The following WDFY3 variants were observed in gnomAD, a reference collection of about 807,000 sequenced individuals.
The protein encoded by WDFY3 is WD repeat and FYVE domain containing 3.
Under a neutral mutation model 409.6 loss-of-function variants are expected in WDFY3, and 66 were observed. The ratio of observed to expected loss-of-function variants is 0.16; its 90% CI spans 0.13 to 0.20. The LOEUF is 0.20. Among genes scored for constraint, WDFY3 ranks in the 10% least tolerant of loss-of-function variants. WDFY3 has a pLI of 1.00. For missense variants in WDFY3, 3,031 were observed against 4,298.1 expected (o/e 0.71, Z 8.24); for synonymous variants, 1,521 against 1,537.1 (o/e 0.99, Z 0.25).
chr4:84,812,549 T>G (rs1752673975), intron 13 of WDFY3, among the ~76,000 whole-genome samples: 1 of 151,794 alleles, frequency 6.6e-6, no homozygotes. Context: ...GTAAGAACCC[T>G]TAGAGAAGTG....
chr4:84,681,199 A>G (rs1225434860), intron 64 of WDFY3, among the ~76,000 whole-genome samples: 3 of 152,162 alleles, frequency 2.0e-5, no homozygotes, highest in African/African-American at 7.2e-5. Context: ...CACTTCTGCC[A>G]GACTACCCAC....
intron 34 of WDFY3, 141 bp from the exon 35 acceptor site, chr4:84,754,017 AAC>A (rs765595804): frequency 6.4e-5 from 58 of 907,922 alleles, no homozygotes; most frequent in Non-Finnish European, 7.5e-5. Context: ...CATATGAGCA[AAC>A]ACACATGTAT....
intron 2 of WDFY3, among the ~76,000 whole-genome samples, chr4:84,923,618 G>A (rs543971563): frequency 1.3e-5 from 2 of 152,302 alleles, no homozygotes; most frequent in East Asian, 3.9e-4. Flanking sequence ...TACAGGGGAA[G>A]AGATTCTTAA....
intron 24 of WDFY3, among the ~76,000 whole-genome samples, chr4:84,784,858 G>GTATATATA (rs71670882): frequency 1.0e-3 from 89 of 88,992 alleles, no homozygotes; most frequent in South Asian, 1.4e-3. Context: ...AAGTGTATAT[G>GTATATATA]TATATATATA....
chr4:84,765,774 C>G (rs748034993), intron 32 of WDFY3, 36 bp downstream of exon 32: 15 of 1,579,756 alleles, frequency 9.5e-6, no homozygotes, highest in Non-Finnish European at 9.5e-6. Context: ...AACACACCAG[C>G]TCATTTTCAA....
chr4:84,803,156 C>T (rs1411786170), intron 16 of WDFY3, 134 bp downstream of exon 16: 8 of 1,004,322 alleles, frequency 8.0e-6, no homozygotes, highest in Non-Finnish European at 1.1e-5. Flanking sequence ...TAAAAAAATC[C>T]TTTTTTTTCC....
At chr4:84,773,004 C>G (rs1744931439) in intron 29 of WDFY3, 75 bp from the exon 30 acceptor site, 1 of 1,120,228 alleles carries the variant, frequency 8.9e-7, no homozygotes, top group South Asian at 1.7e-5. Flanking sequence ...TACAAAGAAA[C>G]AAAATACAAA....
intron 33 of WDFY3, among the ~76,000 whole-genome samples, chr4:84,756,722 C>G (rs1344735290): frequency 6.6e-6 from 1 of 151,710 alleles, no homozygotes; most frequent in African/African-American, 2.4e-5. Flanking sequence ...ACAGAGTTAT[C>G]ATATAGGAAA....
At chr4:84,687,219 C>T (rs1728479331) in intron 62 of WDFY3, among the ~76,000 whole-genome samples, 1 of 152,168 alleles carries the variant, frequency 6.6e-6, no homozygotes, top group East Asian at 1.9e-4. Context: ...TCTTGGCTCA[C>T]TGCCATCTCC....
chr4:84,914,635 A>G (rs1392760323), intron 2 of WDFY3, among the ~76,000 whole-genome samples: 1 of 152,154 alleles, frequency 6.6e-6, no homozygotes, highest in Non-Finnish European at 1.5e-5. Context: ...AACCACAATG[A>G]GACACCATTT....
At chr4:84,674,008 C>T (rs1435106341) in intron 67 of WDFY3, among the ~76,000 whole-genome samples, 1 of 152,150 alleles carries the variant, frequency 6.6e-6, no homozygotes, top group Non-Finnish European at 1.5e-5. Flanking sequence ...GTTTAAAGGA[C>T]TGTCACTGGA....
rs1048749127 is a variant in WDFY3, at chr4:84,808,184, A to AC, written c.2429+149dup. 6 of 577,044 alleles carry AC rather than the reference A, an allele frequency of 1.0e-5. No individual in the cohort carries two copies. In the East Asian group the frequency reaches 1.2e-4, roughly 11 times the overall value. 35.7% of individuals were successfully genotyped at this position (577,044 alleles called of 1,614,324 possible). On this transcript the variant is annotated intron_variant, in intron 15 of 67. Coordinates refer to ENST00000295888, the MANE Select transcript of WDFY3 (RefSeq NM_014991.6). ...ACTGATATCTTTAAAATCTAAAAAC[A>AC]CCCCCCAAAACCCCAAAAGTAAAAA... is the stretch of plus-strand genomic sequence containing the variant.
At chr4:84,947,411 C>T (rs952407834) in intron 1 of WDFY3, among the ~76,000 whole-genome samples, 43 of 149,064 alleles carry the variant, frequency 2.9e-4, no homozygotes, top group Admixed American at 2.0e-4. Flanking sequence ...ACTCGGGAGG[C>T]TGAGGCAGGA....
At chr4:84,924,001 A>G (rs1287181274) in intron 2 of WDFY3, among the ~76,000 whole-genome samples, 4 of 152,206 alleles carry the variant, frequency 2.6e-5, no homozygotes, top group African/African-American at 4.8e-5. Flanking sequence ...AAAAACTGTA[A>G]TCAGCTTATT....
intron 56 of WDFY3, among the ~76,000 whole-genome samples, chr4:84,699,193 T>A (rs760135293): frequency 6.6e-6 from 1 of 152,146 alleles, no homozygotes. Context: ...AGTAATCTTG[T>A]ACCTGTTAAT....
intron 56 of WDFY3, among the ~76,000 whole-genome samples, chr4:84,697,456 C>T (rs759941260): frequency 6.6e-6 from 1 of 152,120 alleles, no homozygotes; most frequent in Admixed American, 6.5e-5. Context: ...AACTATAGGG[C>T]TACCTGTCAA....
At chr4:84,935,087 T>A (rs1384573896) in intron 1 of WDFY3, among the ~76,000 whole-genome samples, 2 of 152,194 alleles carry the variant, frequency 1.3e-5, no homozygotes, top group African/African-American at 4.8e-5. Flanking sequence ...TACTGCATTG[T>A]ACAAATATAT....
chr4:84,935,994 C>G (rs1427510166), intron 1 of WDFY3, among the ~76,000 whole-genome samples: 3 of 152,098 alleles, frequency 2.0e-5, no homozygotes, highest in African/African-American at 7.2e-5. Flanking sequence ...TTCATGCTTT[C>G]CTTGCCTCCA....
At chr4:84,712,141 T>C (rs1733008980) in intron 51 of WDFY3, among the ~76,000 whole-genome samples, 1 of 151,730 alleles carries the variant, frequency 6.6e-6, no homozygotes. Context: ...CACGCCAACA[T>C]GGAGAAACCC....
Sources: allele counts gnomAD v4.1 joint callset (sites outside exome capture counted in the v4.1 genomes callset), GRCh38; gene constraint gnomAD v4.1.1; transcripts MANE v1.5; gene names NCBI Gene and HGNC (gene_info 2026-07-23, HGNC 2026-07-21).